Variants in PCDHGA3 observed in about 807,000 individuals in gnomAD.
PCDHGA3 encodes protocadherin gamma-A3.
PCDHGA3 carries 40 observed loss-of-function variants against 58.5 expected under a neutral mutation model. The ratio of observed to expected loss-of-function variants is 0.68; its 90% CI spans 0.53 to 0.89. PCDHGA3 has a LOEUF of 0.89. Among genes scored for constraint, PCDHGA3 ranks in the 40% least tolerant of loss-of-function variants. The pLI is 0.00. For missense variants in PCDHGA3, 1,223 were observed against 1,195.9 expected (o/e 1.02, Z -0.33); for synonymous variants, 530 against 525.7 (o/e 1.01, Z -0.11).
intron 1 of PCDHGA3, chr5:141,404,276 G>A (rs754510135): frequency 6.2e-7 from 1 of 1,613,992 alleles, no homozygotes; most frequent in Non-Finnish European, 8.5e-7. Context: ...CACCCTGCAA[G>A]TGACTGACAT....
intron 3 of PCDHGA3, 96 bp downstream of exon 3, chr5:141,505,577 G>C: frequency 2.5e-6 from 4 of 1,589,854 alleles, no homozygotes; most frequent in Non-Finnish European, 3.4e-6. Flanking sequence ...TGTCAAACCT[G>C]TGTAGTTTCT....
rs766795269 is a variant in PCDHGA3, at chr5:141,394,804, T to C, written c.2424+48347T>C. Reference sequence around the variant, plus strand: ...GCCACTGTCACGCTCACCGTAGCCGTGGCTGACAGCATCCCCGAAGTCCTG... The same window carrying C: ...GCCACTGTCACGCTCACCGTAGCCGCGGCTGACAGCATCCCCGAAGTCCTG... On this transcript the variant is annotated intron_variant, in intron 1 of 3. Coordinates refer to ENST00000253812, the MANE Select transcript of PCDHGA3 (RefSeq NM_018916.4). 8 of 1,613,850 alleles carry C rather than the reference T, an allele frequency of 5.0e-6. No individual in the cohort carries two copies. In the South Asian group the frequency reaches 6.6e-5, roughly 13 times the overall value.
intron 1 of PCDHGA3, chr5:141,374,302 GC>G: frequency 6.2e-7 from 1 of 1,613,984 alleles, no homozygotes; most frequent in Non-Finnish European, 8.5e-7. Flanking sequence ...GTAGGATGCA[GC>G]TTTTCTCTCT....
chr5:141,451,740 G>A (rs370710201), intron 1 of PCDHGA3, among the ~76,000 whole-genome samples: 1 of 152,108 alleles, frequency 6.6e-6, no homozygotes, highest in Non-Finnish European at 1.5e-5. Context: ...AAATTAGCTG[G>A]TCTGGTGGTG....
At chr5:141,412,264 CT>C (rs765219351) in intron 1 of PCDHGA3, 4 of 152,206 alleles carry the variant, frequency 2.6e-5, no homozygotes, top group Non-Finnish European at 4.4e-5. Context: ...TTTTCTAAAA[CT>C]TTTAGTACTT....
intron 1 of PCDHGA3, among the ~76,000 whole-genome samples, chr5:141,401,282 C>T (rs963741934): frequency 2.6e-5 from 4 of 151,884 alleles, no homozygotes; most frequent in Non-Finnish European, 4.4e-5. Flanking sequence ...GTGGAGGTTG[C>T]GGTGAGCCGA....
intron 1 of PCDHGA3, chr5:141,418,928 A>C: frequency 1.2e-6 from 2 of 1,613,978 alleles, no homozygotes; most frequent in Non-Finnish European, 1.7e-6. Flanking sequence ...TGATCAGATT[A>C]TGGAGGATTC....
At chr5:141,433,068 T>G (rs1296504554) in intron 1 of PCDHGA3, 1 of 1,613,900 alleles carries the variant, frequency 6.2e-7, no homozygotes, top group South Asian at 1.1e-5. Context: ...CACCTGATCT[T>G]CCCCCAGCCC....
chr5:141,413,381 G>A, intron 1 of PCDHGA3: 1 of 1,613,946 alleles, frequency 6.2e-7, no homozygotes, highest in Non-Finnish European at 8.5e-7. Flanking sequence ...CGCGGAGTCC[G>A]CATAGTCTCC....
intron 1 of PCDHGA3, chr5:141,393,900 G>A (rs1048161107): frequency 3.7e-6 from 6 of 1,613,906 alleles, no homozygotes; most frequent in South Asian, 1.1e-5. Flanking sequence ...TTCTCTTCCC[G>A]GGACAGTAAT....
chr5:141,384,847 G>A (rs781186343), intron 1 of PCDHGA3: 9 of 1,613,590 alleles, frequency 5.6e-6, no homozygotes, highest in Admixed American at 3.3e-5. Flanking sequence ...CCAGGACCAC[G>A]GTCAGCCTCC....
chr5:141,475,381 T>G (rs1182018899), intron 1 of PCDHGA3, among the ~76,000 whole-genome samples: 3 of 152,226 alleles, frequency 2.0e-5, no homozygotes, highest in Non-Finnish European at 4.4e-5. Flanking sequence ...ACTTTTAAAT[T>G]TTATAAGCCA....
Position 141,422,179 on chromosome 5 carries a change from A to G in PCDHGA3, c.2425-72628A>G, listed in dbSNP as rs757086661. The G allele has an allele frequency of 2.0e-5, 32 of 1,562,402 alleles. No homozygotes were observed. Among genetic ancestry groups the G allele is most frequent in the Non-Finnish European group, 2.6e-5 (30 of 1,159,048 alleles). ...TTTTGAAAAATATAGATTCTATGAG[A>G]TGGAAATTCAAGGCCAAGATGGTGG... is the stretch of plus-strand genomic sequence containing the variant. On this transcript the variant is annotated intron_variant, in intron 1 of 3. Coordinates refer to ENST00000253812, the MANE Select transcript of PCDHGA3 (RefSeq NM_018916.4).
intron 1 of PCDHGA3, among the ~76,000 whole-genome samples, chr5:141,457,124 ACT>A (rs1304231701): frequency 6.6e-6 from 1 of 152,158 alleles, no homozygotes; most frequent in Non-Finnish European, 1.5e-5. Context: ...AGCAATGGAA[ACT>A]CTGTCCAATA....
chr5:141,394,633 G>T, intron 1 of PCDHGA3: 2 of 1,613,390 alleles, frequency 1.2e-6, no homozygotes, highest in Non-Finnish European at 1.7e-6. Context: ...CTGTCCTACC[G>T]CCTGCTCAAG....
chr5:141,455,109 G>A (rs2098813382), intron 1 of PCDHGA3, among the ~76,000 whole-genome samples: 1 of 151,932 alleles, frequency 6.6e-6, no homozygotes, highest in South Asian at 2.1e-4. Context: ...ACTGCGCCCG[G>A]TGGGTCTAAT....
In PCDHGA3 at chr5:141,378,672, A is replaced by T. The variant is rs367846333; in HGVS notation, c.2424+32215A>T. ...GTTAATGAGGTTCAAATAAAAATTTAAATATTTTAGCATTTTAACCCAGAC... is the reference window on the plus strand; with the variant it reads ...GTTAATGAGGTTCAAATAAAAATTTTAATATTTTAGCATTTTAACCCAGAC... On this transcript the variant is annotated intron_variant, in intron 1 of 3. Coordinates refer to ENST00000253812, the MANE Select transcript of PCDHGA3 (RefSeq NM_018916.4). The T allele has an allele frequency of 1.8e-4, 28 of 152,392 alleles. 3 individuals are homozygous for T. Among genetic ancestry groups the T allele is most frequent in the Admixed American group, 1.5e-3 (23 of 15,312 alleles). 9.4% of individuals were successfully genotyped at this position (152,392 alleles called of 1,614,324 possible). A position where few individuals can be genotyped will look rare whatever the true frequency, so the allele number is the denominator to read the frequency against.
chr5:141,403,512 A>G (rs751429629), intron 1 of PCDHGA3: 2 of 1,614,020 alleles, frequency 1.2e-6, no homozygotes, highest in Non-Finnish European at 1.7e-6. Context: ...ACTGGAGACA[A>G]TGGAGCCATA....
Position 141,419,652 on chromosome 5 carries a change from C to T in PCDHGA3, c.2424+73195C>T, listed in dbSNP as rs563445438. 15 of 1,612,592 alleles carry T rather than the reference C, an allele frequency of 9.3e-6. 1 individual carries two copies. In the Admixed American group the frequency reaches 1.3e-4, roughly 14 times the overall value. On this transcript the variant is annotated intron_variant, in intron 1 of 3. Transcript: ENST00000253812. ...AAGGTGGTGGCCGTGGACGCGGACT[C>T]GGGGCACAATGCCTGGCTGTCCTAC... is the stretch of plus-strand genomic sequence containing the variant.
Sources: gnomAD v4.1 joint callset for allele counts (sites outside exome capture counted in the v4.1 genomes callset) on GRCh38, gnomAD v4.1.1 for gene constraint, MANE v1.5 for transcripts, NCBI Gene and HGNC (gene_info 2026-07-23, HGNC 2026-07-21) for gene names.